Variants in KRI1 observed in about 807,000 individuals in gnomAD.
KRI1 encodes protein KRI1 homolog.
KRI1 carries 83 observed loss-of-function variants against 97.0 expected under a neutral mutation model. That is an observed-to-expected ratio of 0.86 (90% CI 0.72 to 1.03). KRI1 has a LOEUF of 1.03. Among genes scored for constraint, KRI1 ranks in the 50% least tolerant of loss-of-function variants. The pLI is 0.00. For synonymous variants in KRI1, 371 were observed against 363.5 expected, an observed-to-expected ratio of 1.02 and a Z score of -0.23; for missense variants, 916 against 928.4, an observed-to-expected ratio of 0.99 and a Z score of 0.17.
Position 10,565,780 on chromosome 19 carries a change from G to C in KRI1, c.105C>G (p.Arg35=), listed in dbSNP as rs1414820623. The change falls in exon 2 of 19, where the codon CGC becomes CGG. Residue 35 remains arginine (R), a synonymous_variant. Transcript: ENST00000312962. ...CGCTGCTGCTGTCTCGGTCCCCGTA[G>C]CGATCCTTCACTGCGGGACACAGAC... The part of the protein sequence containing the change: ...EREELQRLKD[R]YGDRDSSSDS... 1.3e-6 allele frequency: 2 copies of C among 1,576,044 alleles called. No homozygotes were observed. The highest frequency in any genetic ancestry group is 1.7e-6 in the Non-Finnish European group (2 of 1,161,552).
intron 6 of KRI1, 31 bp from the exon 7 acceptor site, chr19:10,561,296 AG>A: frequency 6.3e-7 from 1 of 1,597,094 alleles, no homozygotes; most frequent in Non-Finnish European, 8.6e-7. Context: ...GCCTCAGGAC[AG>A]GCAGGCTGGC....
At chr19:10,562,892 G>A in intron 3 of KRI1, 55 bp from the exon 4 acceptor site, 1 of 1,128,414 alleles carries the variant, frequency 8.9e-7, no homozygotes, top group Non-Finnish European at 1.4e-6. Flanking sequence ...CTTTGCCGTG[G>A]CAGAGAATCC....
chr19:10,556,013 ACT>A (rs1916492029), intron 16 of KRI1, among the ~76,000 whole-genome samples: 1 of 152,070 alleles, frequency 6.6e-6, no homozygotes, highest in Non-Finnish European at 1.5e-5. Flanking sequence ...TTGTCCAAAG[ACT>A]CAGCTGGTGA....
In KRI1 at chr19:10,558,219, G is replaced by C. The variant is rs760251302; in HGVS notation, c.1215C>G (p.Tyr405Ter). 5.0e-6 allele frequency: 8 copies of C among 1,613,946 alleles called. No individual in the cohort carries two copies. In the East Asian group the frequency reaches 1.8e-4, roughly 36 times the overall value. ...GCTTCTCCTCCTCCACGGCCCCGTA[G>C]TACTCGTCCCCAAAGCACTTCTGCA... ...QLMQKCFGDE[Y>*]YGAVEEEKPQ... Residue 405 changes from tyrosine (Y) to a stop codon, truncating the protein, a stop_gained, in exon 13 of 19, where the codon TAC (tyrosine) becomes TAG (stop). Transcript: ENST00000312962. LOFTEE classifies it high-confidence loss of function.
rs1328212212 is a variant in KRI1, at chr19:10,554,242, T to G, written c.1821A>C (p.Arg607Ser). ...GCTGCCTCTGTGGGCCGGCTTCATC[T>G]CTCTGTGGCTTCCCTGTGGCTTCCG... is the stretch of plus-strand genomic sequence containing the variant. ...TPAEATGKPQ[R>S]DEAGPQRQLP... Residue 607 changes from arginine to serine, a missense_variant, in exon 19 of 19, where the codon AGA (arginine) becomes AGC (serine). Physicochemically the swap from Arg to Ser is moderately radical, Grantham distance 110. Transcript: ENST00000312962. 2 of 1,613,994 alleles carry G rather than the reference T, an allele frequency of 1.2e-6. No individual in the cohort carries two copies. Among genetic ancestry groups the G allele is most frequent in the Middle Eastern group, 1.7e-4 (1 of 6,060 alleles).
intron 3 of KRI1, 46 bp downstream of exon 3, chr19:10,564,883 T>A: frequency 4.0e-6 from 5 of 1,239,088 alleles, no homozygotes; most frequent in Non-Finnish European, 6.0e-6. Flanking sequence ...GGACCCCGGA[T>A]TCTGCTCCAG....
Position 10,553,911 on chromosome 19 carries a change from T to TGA in KRI1, c.*38_*39dup. Reference sequence around the variant, plus strand: ...TGCGAGACCTGTCCAGGGCTTGATTTGAGGAGAGGAGCCTGAGGCCCCTGC... The same window carrying TGA: ...TGCGAGACCTGTCCAGGGCTTGATTTGAGAGGAGAGGAGCCTGAGGCCCCTGC... On this transcript the variant is annotated 3_prime_UTR_variant, in exon 19 of 19. Coordinates refer to ENST00000312962, the MANE Select transcript of KRI1 (RefSeq NM_023008.5). The TGA allele has an allele frequency of 6.7e-7, 1 of 1,484,060 alleles. No homozygotes were observed. The highest frequency in any genetic ancestry group is 9.0e-7 in the Non-Finnish European group (1 of 1,107,650). The allele number at this position is 1,484,060 out of a possible 1,614,324, so 91.9% of individuals were successfully genotyped here. A position where few individuals can be genotyped will look rare whatever the true frequency, so the allele number is the denominator to read the frequency against.
Position 10,565,953 on chromosome 19 carries a change from AACGCCGCGTTCACC to A in KRI1, c.33_46del (p.Val12CysfsTer43). Reference sequence around the variant, plus strand: ...CCGGTAGCGGTTGTACCGCGCGGCAAACGCCGCGTTCACCCGCAGCTGCGACGACCCGCGCGGTT... The same window carrying A: ...CCGGTAGCGGTTGTACCGCGCGGCAACGCAGCTGCGACGACCCGCGCGGTT... On this transcript the variant is annotated frameshift_variant, in exon 1 of 19. Transcript: ENST00000312962. LOFTEE classifies it high-confidence loss of function. 1 of 1,529,362 alleles carries A rather than the reference AACGCCGCGTTCACC, an allele frequency of 6.5e-7. No homozygotes were observed. The highest frequency in any genetic ancestry group is 8.8e-7 in the Non-Finnish European group (1 of 1,140,592). The allele number at this position is 1,529,362 out of a possible 1,614,324, so 94.7% of individuals were successfully genotyped here.
chr19:10,558,746 C>T (rs1460627204), intron 12 of KRI1, among the ~76,000 whole-genome samples: 3 of 151,966 alleles, frequency 2.0e-5, no homozygotes, highest in Admixed American at 1.3e-4. Context: ...CACCCAGTAG[C>T]CCATGCTGGA....
In KRI1 at chr19:10,553,656, GC is replaced by G. The variant is rs1161287341; in HGVS notation, c.*294del. 3.1e-6 allele frequency: 1 copy of G among 324,584 alleles called. No individual in the cohort carries two copies. The highest frequency in any genetic ancestry group is 2.2e-5 in the African/African-American group (1 of 45,830). The allele number at this position is 324,584 out of a possible 1,614,324, so 20.1% of individuals were successfully genotyped here. A position where few individuals can be genotyped will look rare whatever the true frequency, so the allele number is the denominator to read the frequency against. On this transcript the variant is annotated 3_prime_UTR_variant, in exon 19 of 19. Coordinates refer to ENST00000312962, the MANE Select transcript of KRI1 (RefSeq NM_023008.5). ...AGTGGTGCAATCATAGCTCTCTGTA[GC>G]CTCAAACTCATGGCCTTAAGTGATC...
chr19:10,565,664 C>T, intron 2 of KRI1, 53 bp downstream of exon 2: 2 of 1,518,296 alleles, frequency 1.3e-6, no homozygotes, highest in Non-Finnish European at 1.8e-6. Context: ...GGTCGGGGTG[C>T]AGAGGGGGGC....
intron 12 of KRI1, among the ~76,000 whole-genome samples, chr19:10,558,830 G>A (rs1032523122): frequency 4.0e-4 from 59 of 148,300 alleles, no homozygotes; most frequent in African/African-American, 1.8e-4. Context: ...TCAGCCTCCC[G>A]AGTAGCTAGG....
chr19:10,565,073 G>T, intron 2 of KRI1, 39 bp from the exon 3 acceptor site: 1 of 1,304,588 alleles, frequency 7.7e-7, no homozygotes, highest in East Asian at 2.3e-5. Context: ...TTTCAGAAGG[G>T]AGATAATAAG....
At chr19:10,560,231 C>T in intron 9 of KRI1, 81 bp downstream of exon 9, 1 of 1,484,262 alleles carries the variant, frequency 6.7e-7, no homozygotes, top group East Asian at 2.4e-5. Flanking sequence ...ATGGTGCCCT[C>T]TGCCTCCTGG....
chr19:10,562,691 TG>T, intron 4 of KRI1, 37 bp downstream of exon 4: 1 of 1,235,100 alleles, frequency 8.1e-7, no homozygotes, highest in Non-Finnish European at 1.2e-6. Context: ...CTGACAGGGC[TG>T]GGAACCAGGG....
chr19:10,560,046 C>A (rs897227345), intron 9 of KRI1, 110 bp from the exon 10 acceptor site: 32 of 1,370,632 alleles, frequency 2.3e-5, no homozygotes, highest in Non-Finnish European at 3.0e-5. Flanking sequence ...CTCACAAGAA[C>A]CCTACAAGGT....
Position 10,553,951 on chromosome 19 carries a change from T to A in KRI1, c.2112A>T (p.Ter704CysextTer54), listed in dbSNP as rs750106332. ...RKQQGPKNSS[*>C] ...GAGGCCCCTGCCTGCTCCCTGGTGC[T>A]CAGGAGCTGTTCTTGGGCCCCTGTT... The change falls in exon 19 of 19, where the codon TGA (stop) becomes TGT (cysteine). Residue 704 changes from the stop codon to cysteine, a stop_lost. Coordinates refer to ENST00000312962, the MANE Select transcript of KRI1 (RefSeq NM_023008.5). 1.9e-6 allele frequency: 3 copies of A among 1,594,032 alleles called. No individual in the cohort carries two copies. The highest frequency in any genetic ancestry group is 2.7e-5 in the African/African-American group (2 of 74,302).
rs1361971895 is a variant in KRI1 at position 10,553,701 on chromosome 19, G to A, written c.*250C>T. 1 of 454,254 alleles carries A rather than the reference G, an allele frequency of 2.2e-6. No individual in the cohort carries two copies. Among genetic ancestry groups the A allele is most frequent in the African/African-American group, 2.0e-5 (1 of 49,792 alleles). 28.1% of individuals were successfully genotyped at this position (454,254 alleles called of 1,614,324 possible). On this transcript the variant is annotated 3_prime_UTR_variant, in exon 19 of 19. Transcript: ENST00000312962. ...AGTGATCTTCCTTCCCCAGCCTCCT[G>A]AGTAGCTGGGACTACAGGCATGTGT...
intron 18 of KRI1, 44 bp downstream of exon 18, chr19:10,555,043 C>T (rs773524145): frequency 6.6e-7 from 1 of 1,513,636 alleles, no homozygotes; most frequent in East Asian, 2.3e-5. Flanking sequence ...AAGCCTGGGC[C>T]TGACAGGCTC....
Sources: gnomAD v4.1 joint callset for allele counts (sites outside exome capture counted in the v4.1 genomes callset) on GRCh38, gnomAD v4.1.1 for gene constraint, MANE v1.5 for transcripts, NCBI Gene and HGNC (gene_info 2026-07-23, HGNC 2026-07-21) for gene names.